The following ABL1 variants were observed in gnomAD, a reference collection of about 807,000 sequenced individuals.
ABL1 encodes ABL proto-oncogene 1, non-receptor tyrosine kinase.
In ABL1, 11 loss-of-function variants were observed where a neutral mutation model predicts 94.7. The observed-to-expected ratio is 0.12, with a 90% confidence interval of 0.07 to 0.19. The LOEUF (loss-of-function observed/expected upper bound fraction) is 0.19. Ranked by LOEUF, ABL1 falls within the 10% of genes least tolerant of loss-of-function variation. ABL1 has a pLI of 1.00. For synonymous variants in ABL1, 656 were observed against 622.4 expected (o/e 1.05, Z -0.80); for missense variants, 1,082 against 1,489.4 (o/e 0.73, Z 4.50).
At chr9:130,790,385 C>T (rs185216075) in intron 1 of ABL1, among the ~76,000 whole-genome samples, 11 of 152,374 alleles carry the variant, frequency 7.2e-5, no homozygotes, top group Admixed American at 2.0e-4. Context: ...GCTGTGTTCA[C>T]GCTCCTCACA....
At chr9:130,789,523 C>T (rs893389477) in intron 1 of ABL1, among the ~76,000 whole-genome samples, 2 of 135,882 alleles carry the variant, frequency 1.5e-5, no homozygotes, top group Admixed American at 1.4e-4. Flanking sequence ...CAAAAAAGGA[C>T]ATACACACAC....
intron 1 of ABL1, among the ~76,000 whole-genome samples, chr9:130,741,230 C>CA (rs1273165059): frequency 3.9e-5 from 6 of 152,144 alleles, no homozygotes; most frequent in African/African-American, 1.4e-4. Flanking sequence ...CATGGTGCTG[C>CA]CTGGCACCCA....
intron 6 of ABL1, among the ~76,000 whole-genome samples, chr9:130,874,210 T>A (rs952721155): frequency 2.0e-5 from 3 of 152,176 alleles, no homozygotes; most frequent in Non-Finnish European, 4.4e-5. Context: ...TTAATGTTCA[T>A]GAACCAAAGA....
rs75757291 is a variant in ABL1, at chr9:130,840,657, T to C, written c.79+5132T>C. Among the ~76,000 whole-genome samples the C allele has an allele frequency of 1.4e-3, 210 of 152,314 alleles. 1 individual carries two copies. Among genetic ancestry groups the C allele is most frequent in the African/African-American group, 4.8e-3 (198 of 41,568 alleles). ...AAATTCATAGGTTTGTTTGTTCTTT[T>C]TTAGTGTCAATTTTTAAAACTATCT... is the stretch of plus-strand genomic sequence containing the variant. On this transcript the variant is annotated intron_variant, in intron 1 of 10. Coordinates refer to ENST00000318560, the MANE Select transcript of ABL1 (RefSeq NM_005157.6).
At chr9:130,828,639 A>C (rs577460966) in intron 1 of ABL1, among the ~76,000 whole-genome samples, 4 of 152,296 alleles carry the variant, frequency 2.6e-5, no homozygotes, top group Admixed American at 2.6e-4. Flanking sequence ...CCCAGGAGGC[A>C]GAAGTTGTAG....
intron 3 of ABL1, among the ~76,000 whole-genome samples, chr9:130,858,578 G>C (rs1831012593): frequency 6.6e-6 from 1 of 152,146 alleles, no homozygotes; most frequent in African/African-American, 2.4e-5. Context: ...GGGTGTATTG[G>C]GTGGGATCGT....
At chr9:130,750,911 C>CT (rs1304256272) in intron 1 of ABL1, among the ~76,000 whole-genome samples, 1 of 151,696 alleles carries the variant, frequency 6.6e-6, no homozygotes, top group African/African-American at 2.4e-5. Flanking sequence ...TCCCAAAGTG[C>CT]TGGGATTCCA....
At chr9:130,820,222 T>A (rs1473677208) in intron 1 of ABL1, among the ~76,000 whole-genome samples, 2 of 152,178 alleles carry the variant, frequency 1.3e-5, no homozygotes, top group Non-Finnish European at 2.9e-5. Context: ...TTGGTTTCCA[T>A]GAGAGATTTA....
intron 1 of ABL1, among the ~76,000 whole-genome samples, chr9:130,730,940 C>T (rs1831656582): frequency 6.7e-6 from 1 of 149,026 alleles, no homozygotes; most frequent in Admixed American, 6.7e-5. Flanking sequence ...CTTTGTGGTT[C>T]ACCTTTTCAC....
intron 1 of ABL1, among the ~76,000 whole-genome samples, chr9:130,773,820 A>G (rs1832281645): frequency 6.6e-6 from 1 of 151,948 alleles, no homozygotes; most frequent in Admixed American, 6.6e-5. Flanking sequence ...CATAAAATAA[A>G]CTGCACATAT....
intron 1 of ABL1, among the ~76,000 whole-genome samples, chr9:130,777,017 A>C (rs1829667126): frequency 6.6e-6 from 1 of 152,086 alleles, no homozygotes; most frequent in South Asian, 2.1e-4. Context: ...TGGCAGTCAT[A>C]CTTTTTAACT....
intron 1 of ABL1, among the ~76,000 whole-genome samples, chr9:130,742,770 C>T (rs376339233): frequency 8.6e-5 from 13 of 151,962 alleles, no homozygotes; most frequent in South Asian, 2.1e-4. Flanking sequence ...ATGTGTGTAT[C>T]GTATGTATGT....
chr9:130,744,873 AC>A (rs377092028), intron 1 of ABL1, among the ~76,000 whole-genome samples: 11 of 150,924 alleles, frequency 7.3e-5, no homozygotes, highest in Non-Finnish European at 5.9e-5. Context: ...AAAAAAAAAA[AC>A]AAAACTATCT....
intron 1 of ABL1, among the ~76,000 whole-genome samples, chr9:130,743,672 C>T (rs1831848093): frequency 6.6e-6 from 1 of 152,154 alleles, no homozygotes; most frequent in Non-Finnish European, 1.5e-5. Context: ...TATTGGGAGT[C>T]CAGGGAGTTT....
chr9:130,879,491 C>A (rs983601093), intron 8 of ABL1, among the ~76,000 whole-genome samples: 1 of 152,218 alleles, frequency 6.6e-6, no homozygotes, highest in Non-Finnish European at 1.5e-5. Context: ...GTACACGAAT[C>A]TCTGGGCACT....
At chr9:130,739,028 C>T (rs1369401325) in intron 1 of ABL1, among the ~76,000 whole-genome samples, 1 of 152,098 alleles carries the variant, frequency 6.6e-6, no homozygotes. Context: ...GAGCCACCCG[C>T]TACAGGCGCG....
chr9:130,838,937 T>TCA (rs1226420385), intron 1 of ABL1, among the ~76,000 whole-genome samples: 1 of 152,164 alleles, frequency 6.6e-6, no homozygotes, highest in African/African-American at 2.4e-5. Flanking sequence ...GGAGATAGGG[T>TCA]CTTGCTCTGT....
chr9:130,837,689 T>C (rs1194651237), intron 1 of ABL1, among the ~76,000 whole-genome samples: 1 of 152,232 alleles, frequency 6.6e-6, no homozygotes, highest in Non-Finnish European at 1.5e-5. Flanking sequence ...AATGGAATTA[T>C]CATTTTGTAG....
intron 1 of ABL1, among the ~76,000 whole-genome samples, chr9:130,756,748 C>A (rs1832045934): frequency 6.6e-6 from 1 of 152,178 alleles, no homozygotes. Flanking sequence ...GCAGCATCAG[C>A]CTTGGTTGAC....
Sources: allele counts gnomAD v4.1 joint callset (sites outside exome capture counted in the v4.1 genomes callset), GRCh38; gene constraint gnomAD v4.1.1; transcripts MANE v1.5; gene names NCBI Gene and HGNC (gene_info 2026-07-23, HGNC 2026-07-21).